MYH11: variants seen among roughly 807,000 people sequenced by gnomAD.
The protein encoded by MYH11 is myosin heavy chain 11.
MYH11 carries 80 observed loss-of-function variants against 246.6 expected under a neutral mutation model. The ratio of observed to expected loss-of-function variants is 0.32; its 90% CI spans 0.27 to 0.39. The LOEUF (loss-of-function observed/expected upper bound fraction) is 0.39, where lower values mean the gene tolerates loss of function less well. MYH11 is among the 10% of genes least tolerant of loss of function. The probability of loss-of-function intolerance (pLI) is 1.00; values close to 1 mark genes in which losing one functional copy is unlikely to be tolerated. For synonymous variants in MYH11, 1,071 were observed against 1,015.5 expected (o/e 1.05, Z -1.04); for missense variants, 2,158 against 2,546.8 (o/e 0.85, Z 3.29).
intron 8 of MYH11, 71 bp from the exon 9 acceptor site, chr16:15,771,783 G>C: frequency 6.3e-7 from 1 of 1,579,656 alleles, no homozygotes; most frequent in Non-Finnish European, 8.7e-7. Context: ...CCGAGATCTG[G>C]TCAAGGGTCT....
At chr16:15,798,543 G>C in intron 4 of MYH11, 117 bp downstream of exon 4, 2 of 1,082,318 alleles carry the variant, frequency 1.8e-6, no homozygotes, top group South Asian at 3.0e-5. Flanking sequence ...TTGGAACCAT[G>C]AACAAATCAA....
At chr16:15,833,250 T>A (rs1284587742) in intron 2 of MYH11, among the ~76,000 whole-genome samples, 1 of 150,912 alleles carries the variant, frequency 6.6e-6, no homozygotes, top group Non-Finnish European at 1.5e-5. Flanking sequence ...TGAGCTGAGA[T>A]CATGCCACTG....
At chr16:15,704,586 C>T (rs545300653) in intron 40 of MYH11, among the ~76,000 whole-genome samples, 65 of 152,146 alleles carry the variant, frequency 4.3e-4, no homozygotes, top group South Asian at 6.2e-4. Flanking sequence ...CACCCCCATT[C>T]GCCTTAGAGG....
At chr16:15,798,733 CT>C (rs1248793215) in intron 3 of MYH11, 46 bp from the exon 4 acceptor site, 2 of 1,603,764 alleles carry the variant, frequency 1.2e-6, no homozygotes, top group Non-Finnish European at 1.7e-6. Context: ...AAAATGAGCT[CT>C]GAGCTAAGGG....
At chr16:15,776,655 G>A (rs532610465) in intron 7 of MYH11, among the ~76,000 whole-genome samples, 1 of 152,338 alleles carries the variant, frequency 6.6e-6, no homozygotes, top group East Asian at 1.9e-4. Flanking sequence ...GGGAAACTGA[G>A]GCTCAGAGAA....
At chr16:15,798,628 AAAAAAAC>A (rs2042806466) in intron 4 of MYH11, 25 bp downstream of exon 4, 1 of 1,573,704 alleles carries the variant, frequency 6.4e-7, no homozygotes, top group African/African-American at 1.4e-5. Flanking sequence ...AAAAAACAAA[AAAAAAAC>A]AGAAGAAAAA....
intron 9 of MYH11, among the ~76,000 whole-genome samples, chr16:15,769,327 A>G (rs113952825): frequency 2.0e-5 from 3 of 152,286 alleles, no homozygotes; most frequent in Admixed American, 6.5e-5. Context: ...AAACAAAACA[A>G]AACAAAAACC....
At chr16:15,719,841 G>T (rs912098606) in intron 34 of MYH11, 128 bp from the exon 35 acceptor site, 5 of 1,349,540 alleles carry the variant, frequency 3.7e-6, no homozygotes, top group Non-Finnish European at 5.2e-6. Flanking sequence ...CCCATTGCAC[G>T]AGCATGGCTC....
At chr16:15,800,213 A>G (rs2151324129) in intron 3 of MYH11, among the ~76,000 whole-genome samples, 1 of 151,820 alleles carries the variant, frequency 6.6e-6, no homozygotes, top group East Asian at 1.9e-4. Context: ...GAAAGAAGGA[A>G]GGAAGAAAGG....
intron 9 of MYH11, among the ~76,000 whole-genome samples, chr16:15,765,072 T>C (rs1333975287): frequency 6.6e-6 from 1 of 152,222 alleles, no homozygotes; most frequent in Non-Finnish European, 1.5e-5. Flanking sequence ...CATCTTTGAA[T>C]TTCCAAAGCC....
intron 4 of MYH11, among the ~76,000 whole-genome samples, chr16:15,787,750 A>C (rs563738948): frequency 6.6e-6 from 1 of 152,116 alleles, no homozygotes; most frequent in Non-Finnish European, 1.5e-5. Context: ...TAGAAATGGA[A>C]AGACCAGGCA....
chr16:15,828,268 C>T (rs1422057233), intron 2 of MYH11, among the ~76,000 whole-genome samples: 1 of 152,174 alleles, frequency 6.6e-6, no homozygotes, highest in African/African-American at 2.4e-5. Flanking sequence ...AGCATGGCGG[C>T]TGGTATGTAG....
intron 12 of MYH11, among the ~76,000 whole-genome samples, chr16:15,758,485 C>T (rs1418469532): frequency 6.6e-6 from 1 of 151,958 alleles, no homozygotes; most frequent in Admixed American, 6.6e-5. Context: ...GCCTGGCAAG[C>T]ATAGCGAAAC....
intron 3 of MYH11, among the ~76,000 whole-genome samples, chr16:15,803,362 T>C (rs1362050626): frequency 6.6e-6 from 1 of 150,998 alleles, no homozygotes; most frequent in Non-Finnish European, 1.5e-5. Flanking sequence ...CTGCAACCTC[T>C]GCCTCCTGGT....
At chr16:15,716,996 C>CA in intron 38 of MYH11, 144 bp downstream of exon 38, 1 of 951,086 alleles carries the variant, frequency 1.1e-6, no homozygotes. Flanking sequence ...GTTCAGTTCT[C>CA]ACAACATACC....
At chr16:15,773,962 T>C (rs1171249672) in intron 8 of MYH11, among the ~76,000 whole-genome samples, 1 of 152,198 alleles carries the variant, frequency 6.6e-6, no homozygotes, top group Non-Finnish European at 1.5e-5. Context: ...TTTGCTTTTA[T>C]TATACCCTCC....
rs548862957 is a variant in MYH11, at chr16:15,827,783, C to T, written c.346-4372G>A. Among the ~76,000 whole-genome samples the T allele has an allele frequency of 5.8e-4, 89 of 152,340 alleles. 1 individual carries two copies. The highest frequency in any genetic ancestry group is 2.0e-3 in the African/African-American group (85 of 41,580). ...GACTTCACCTCCGTGACCTGGGGGC[C>T]TTGCACGGCGGCAGTAGGTACTCAG... On this transcript the variant is annotated intron_variant, in intron 2 of 40. Transcript: ENST00000300036.
At chr16:15,717,532 C>T (rs1421400533) in intron 37 of MYH11, 184 bp from the exon 38 acceptor site, 24 of 629,808 alleles carry the variant, frequency 3.8e-5, no homozygotes, top group East Asian at 2.5e-4. Context: ...TGGTGGCGCA[C>T]GCCTGTAATC....
intron 40 of MYH11, among the ~76,000 whole-genome samples, chr16:15,709,878 C>T (rs533201999): frequency 1.3e-5 from 2 of 152,182 alleles, no homozygotes; most frequent in Admixed American, 6.5e-5. Flanking sequence ...CAGCTCTTGC[C>T]GGAGGTAACT....
Sources: gnomAD v4.1 joint callset for allele counts (sites outside exome capture counted in the v4.1 genomes callset) on GRCh38, gnomAD v4.1.1 for gene constraint, MANE v1.5 for transcripts, NCBI Gene and HGNC (gene_info 2026-07-23, HGNC 2026-07-21) for gene names.